PHF21A: variants seen among roughly 807,000 people sequenced by gnomAD.
The protein encoded by PHF21A is PHD finger protein 21A.
A neutral mutation model predicts 82.5 loss-of-function variants in PHF21A; 11 were observed. That is an observed-to-expected ratio of 0.13 (90% CI 0.08 to 0.22). The LOEUF (loss-of-function observed/expected upper bound fraction) is 0.22. PHF21A is among the 10% of genes least tolerant of loss of function. PHF21A has a pLI of 1.00. For missense variants in PHF21A, 579 were observed against 837.8 expected (o/e 0.69, Z 3.81); for synonymous variants, 297 against 302.8 (o/e 0.98, Z 0.20).
chr11:46,042,507 G>A (rs765407101), intron 6 of PHF21A, among the ~76,000 whole-genome samples: 1 of 152,042 alleles, frequency 6.6e-6, no homozygotes, highest in Non-Finnish European at 1.5e-5. Flanking sequence ...CTAGAAAACC[G>A]AAGAAAGAGA....
chr11:46,106,874 A>C (rs2097158114), intron 1 of PHF21A, among the ~76,000 whole-genome samples: 1 of 152,210 alleles, frequency 6.6e-6, no homozygotes, highest in East Asian at 1.9e-4. Flanking sequence ...TGTCTTTTAA[A>C]GCTCACCTCT....
intron 1 of PHF21A, among the ~76,000 whole-genome samples, chr11:46,104,566 T>C (rs748812383): frequency 3.3e-5 from 5 of 152,224 alleles, no homozygotes; most frequent in South Asian, 2.1e-4. Context: ...TTATCATCTA[T>C]ACTCTTTCTC....
intron 6 of PHF21A, among the ~76,000 whole-genome samples, chr11:45,992,402 TGGTGGCG>T (rs2094738765): frequency 6.7e-6 from 1 of 149,038 alleles, no homozygotes; most frequent in Admixed American, 6.7e-5. Context: ...TAGCCAGGCA[TGGTGGCG>T]GGCGCCTGTA....
At chr11:45,935,093 T>G (rs757722963) in intron 18 of PHF21A, 6 of 1,287,824 alleles carry the variant, frequency 4.7e-6, no homozygotes, top group Non-Finnish European at 6.1e-6. Flanking sequence ...CTTTCCCACT[T>G]GGACAGGCCG....
intron 6 of PHF21A, among the ~76,000 whole-genome samples, chr11:46,013,487 A>G (rs1406383073): frequency 6.6e-6 from 1 of 152,204 alleles, no homozygotes; most frequent in Non-Finnish European, 1.5e-5. Flanking sequence ...GTGAGTAACT[A>G]AAGCCACAGA....
chr11:46,009,672 G>C (rs1357781529), intron 6 of PHF21A, among the ~76,000 whole-genome samples: 1 of 152,212 alleles, frequency 6.6e-6, no homozygotes, highest in Non-Finnish European at 1.5e-5. Flanking sequence ...CATTCCAAAA[G>C]TAGCAAATAG....
intron 1 of PHF21A, among the ~76,000 whole-genome samples, chr11:46,110,238 AT>A (rs1330364272): frequency 6.6e-6 from 1 of 152,096 alleles, no homozygotes; most frequent in Non-Finnish European, 1.5e-5. Context: ...TATTATCCCC[AT>A]TTTACCACTG....
chr11:46,044,109 C>T (rs2096212381), intron 6 of PHF21A, among the ~76,000 whole-genome samples: 1 of 151,998 alleles, frequency 6.6e-6, no homozygotes, highest in Non-Finnish European at 1.5e-5. Context: ...ATAAAATTGA[C>T]TAGAATCAAG....
At chr11:46,083,869 T>C (rs2096824005) in intron 4 of PHF21A, among the ~76,000 whole-genome samples, 1 of 152,208 alleles carries the variant, frequency 6.6e-6, no homozygotes, top group African/African-American at 2.4e-5. Flanking sequence ...ATGAATAAAG[T>C]CCTTCAGATG....
intron 1 of PHF21A, chr11:46,118,094 G>C (rs1009712171): frequency 6.6e-6 from 1 of 152,114 alleles, no homozygotes; most frequent in African/African-American, 2.4e-5. Flanking sequence ...GAGTATTTCA[G>C]AGGCAGCTCC....
In PHF21A at chr11:45,965,382, G is replaced by C. The variant is rs1324448687; in HGVS notation, c.929C>G (p.Ala310Gly). 6.2e-7 allele frequency: 1 copy of C among 1,614,012 alleles called. No individual in the cohort carries two copies. The highest frequency in any genetic ancestry group is 2.2e-5 in the East Asian group (1 of 44,890). ...TCCAGCGAGTCTGGTCCCTGGAGTA[G>C]CTATCACAATGCTGGTGAGCTGGGC... is the stretch of plus-strand genomic sequence containing the variant. ...PMAQLTSIVIATPGTRLAGPQ... is the reference protein window; with the variant it reads ...PMAQLTSIVIGTPGTRLAGPQ... The change falls in exon 10 of 19, where the codon GCT becomes GGT. Residue 310 changes from alanine to glycine, a missense_variant. Physicochemically the swap from Ala to Gly is moderately conservative, Grantham distance 60. Coordinates refer to ENST00000676320, the MANE Select transcript of PHF21A (RefSeq NM_001352027.3).
intron 6 of PHF21A, among the ~76,000 whole-genome samples, chr11:46,029,459 G>A (rs1167722060): frequency 1.5e-4 from 23 of 152,134 alleles, no homozygotes; most frequent in African/African-American, 4.3e-4. Flanking sequence ...AGGCCAAGGC[G>A]GGCAGATCAC....
chr11:46,077,313 GTACT>G (rs903870100), intron 5 of PHF21A, among the ~76,000 whole-genome samples: 59 of 152,292 alleles, frequency 3.9e-4, no homozygotes, highest in African/African-American at 1.4e-3. Flanking sequence ...AAAGCTGTCA[GTACT>G]GCAACTGCCT....
Position 46,021,406 on chromosome 11 carries a change from A to G in PHF21A, c.154-41440T>C, listed in dbSNP as rs141741491. Among the ~76,000 whole-genome samples, 178 of 152,118 alleles carry G rather than the reference A, an allele frequency of 1.2e-3. 1 individual carries two copies. Among genetic ancestry groups the G allele is most frequent in the African/African-American group, 3.8e-3 (158 of 41,508 alleles). On this transcript the variant is annotated intron_variant, in intron 6 of 18. Coordinates refer to ENST00000676320, the MANE Select transcript of PHF21A (RefSeq NM_001352027.3). ...TAACCTCACCACATTTTAAACTATT[A>G]ACAAGTATACACCATACCTCCATCA...
chr11:46,090,690 C>T (rs1359850115), intron 2 of PHF21A, 124 bp from the exon 3 acceptor site: 1 of 144,804 alleles, frequency 6.9e-6, no homozygotes, highest in African/African-American at 2.5e-5. Context: ...AGTAGAATTC[C>T]TCAGAATACA....
chr11:46,051,562 G>A (rs10838551), intron 6 of PHF21A, among the ~76,000 whole-genome samples: 22,455 of 152,034 alleles, frequency 0.15, 3,473 homozygotes, highest in East Asian at 0.62. Context: ...TCTAACTTTG[G>A]TCTTCAGAAA....
At chr11:46,053,004 A>C (rs914641906) in intron 6 of PHF21A, among the ~76,000 whole-genome samples, 28 of 152,226 alleles carry the variant, frequency 1.8e-4, no homozygotes, top group African/African-American at 6.8e-4. Context: ...GGATGAAAAG[A>C]AGCTACCTCT....
intron 9 of PHF21A, among the ~76,000 whole-genome samples, chr11:45,969,278 A>G (rs2093629244): frequency 6.6e-6 from 1 of 152,228 alleles, no homozygotes; most frequent in Admixed American, 6.5e-5. Flanking sequence ...GAACACTCTC[A>G]GGAGAGTATG....
intron 6 of PHF21A, among the ~76,000 whole-genome samples, chr11:46,046,893 A>T (rs1300961308): frequency 6.6e-6 from 1 of 152,200 alleles, no homozygotes; most frequent in African/African-American, 2.4e-5. Flanking sequence ...CCCCATGATG[A>T]AAGTTTGAGT....
Sources: gnomAD v4.1 joint callset for allele counts (sites outside exome capture counted in the v4.1 genomes callset) on GRCh38, gnomAD v4.1.1 for gene constraint, MANE v1.5 for transcripts, NCBI Gene and HGNC (gene_info 2026-07-23, HGNC 2026-07-21) for gene names.